Variants in PLEK observed in about 807,000 individuals in gnomAD.
PLEK encodes pleckstrin, also known as platelet 47 kDa protein.
In PLEK, 25 loss-of-function variants were observed where a neutral mutation model predicts 43.9. The observed-to-expected ratio is 0.57, with a 90% CI of 0.41 to 0.79. PLEK has a LOEUF of 0.79. PLEK is among the 30% of genes least tolerant of loss of function. The pLI is 0.00. For missense variants in PLEK, 396 were observed against 413.3 expected, an observed-to-expected ratio of 0.96 and a Z score of 0.36; for synonymous variants, 152 against 144.4, an observed-to-expected ratio of 1.05 and a Z score of -0.38.
chr2:68,388,961 G>T (rs535482887), intron 6 of PLEK, among the ~76,000 whole-genome samples: 1 of 152,140 alleles, frequency 6.6e-6, no homozygotes, highest in Non-Finnish European at 1.5e-5. Context: ...GGCATGACAA[G>T]ACCAAAACCT....
intron 6 of PLEK, among the ~76,000 whole-genome samples, chr2:68,388,767 G>A (rs17601687): frequency 0.26 from 40,105 of 151,724 alleles, 5,579 homozygotes; most frequent in Middle Eastern, 0.37. Context: ...AAATATGGCC[G>A]GAGGAGATAA....
At chr2:68,387,102 T>C (rs958474846) in intron 5 of PLEK, among the ~76,000 whole-genome samples, 1 of 151,992 alleles carries the variant, frequency 6.6e-6, no homozygotes, top group Non-Finnish European at 1.5e-5. Flanking sequence ...GCCTCCCGGG[T>C]TCAAGCGATT....
chr2:68,380,829 G>A lies in PLEK; in HGVS notation c.305G>A (p.Cys102Tyr). Residue 102 changes from cysteine (C) to tyrosine (Y), a missense_variant, in exon 3 of 9, where the codon TGC becomes TAC. Physicochemically the swap from Cys to Tyr is radical, Grantham distance 194. Coordinates refer to ENST00000234313, the MANE Select transcript of PLEK (RefSeq NM_002664.3). ...CGGGATATCAAGAAGGCCATTAAAT[G>A]CATTGAAGGAGGCCAGAAATTTGCC... ...WVRDIKKAIK[C>Y]IEGGQKFARK... 1 of 1,614,012 alleles carries A rather than the reference G, an allele frequency of 6.2e-7. No homozygotes were observed. Among genetic ancestry groups the A allele is most frequent in the Non-Finnish European group, 8.5e-7 (1 of 1,179,872 alleles).
chr2:68,366,984 G>C lies in PLEK; in HGVS notation c.42+1591G>C, dbSNP rs576223501. On this transcript the variant is annotated intron_variant, in intron 1 of 8. Coordinates refer to ENST00000234313, the MANE Select transcript of PLEK (RefSeq NM_002664.3). ...GACTAAATTTCTAATAAGTGAAGCT[G>C]TCTCACTAAAAATTGGGGATGATAG... 1.1e-4 allele frequency among the ~76,000 whole-genome samples: 16 copies of C among 152,276 alleles called. 1 individual carries two copies. The highest frequency in any genetic ancestry group is 3.6e-4 in the African/African-American group (15 of 41,548).
intron 7 of PLEK, 111 bp downstream of exon 7, chr2:68,393,356 T>C: frequency 1.4e-6 from 1 of 740,112 alleles, no homozygotes; most frequent in Non-Finnish European, 2.4e-6. Flanking sequence ...TTCTCTTTAC[T>C]GGCCCACTTT....
At chr2:68,390,396 A>C (rs1446843099) in intron 6 of PLEK, among the ~76,000 whole-genome samples, 1 of 152,198 alleles carries the variant, frequency 6.6e-6, no homozygotes, top group Non-Finnish European at 1.5e-5. Context: ...TTAAAAGCTA[A>C]TTTATTCTAT....
At chr2:68,371,798 T>G (rs1011543196) in intron 1 of PLEK, among the ~76,000 whole-genome samples, 9 of 67,344 alleles carry the variant, frequency 1.3e-4, no homozygotes, top group African/African-American at 5.0e-4. Context: ...ACGAGTTTAG[T>G]TTTTTTTTGA....
intron 4 of PLEK, among the ~76,000 whole-genome samples, chr2:68,386,045 C>T (rs1162027836): frequency 1.3e-5 from 2 of 151,386 alleles, no homozygotes; most frequent in African/African-American, 2.4e-5. Flanking sequence ...TTTTTTAAGA[C>T]AAAGACTTTA....
At chr2:68,378,651 T>G (rs1213568861) in intron 1 of PLEK, among the ~76,000 whole-genome samples, 3 of 152,232 alleles carry the variant, frequency 2.0e-5, no homozygotes, top group Non-Finnish European at 4.4e-5. Flanking sequence ...TACATGGCCA[T>G]CTGTCAAGAT....
chr2:68,391,737 T>C (rs1441292654), intron 6 of PLEK, among the ~76,000 whole-genome samples: 1 of 152,222 alleles, frequency 6.6e-6, no homozygotes, highest in Non-Finnish European at 1.5e-5. Flanking sequence ...TGTTGGAAAA[T>C]TTGTATACAT....
rs375453172 is a variant in PLEK at position 68,386,514 on chromosome 2, T to C, written c.485T>C (p.Ile162Thr). 84 of 1,613,534 alleles carry C rather than the reference T, an allele frequency of 5.2e-5. No homozygotes were observed. Among genetic ancestry groups the C allele is most frequent in the Non-Finnish European group, 6.9e-5 (81 of 1,179,682 alleles). ...TGGTCCCATCTAGGTAACTGCGTCA[T>C]TGATTGGCTGGTATCCAACCAGTCT... ...FNHCFTGNCV[I>T]DWLVSNQSVR... The change falls in exon 5 of 9, where the codon ATT (isoleucine) becomes ACT (threonine). Residue 162 changes from isoleucine to threonine, a missense_variant. Ile to Thr is a moderately conservative substitution (Grantham distance 89). Coordinates refer to ENST00000234313, the MANE Select transcript of PLEK (RefSeq NM_002664.3).
At chr2:68,376,220 G>C (rs1673498356) in intron 1 of PLEK, among the ~76,000 whole-genome samples, 1 of 152,172 alleles carries the variant, frequency 6.6e-6, no homozygotes, top group Non-Finnish European at 1.5e-5. Context: ...ATTGACACTT[G>C]AGATAGATTC....
At position 68,365,320 on chromosome 2, in the gene PLEK, G is replaced by C. The variant is rs754864224; in HGVS notation, c.-32G>C. The C allele has an allele frequency of 6.2e-7, 1 of 1,609,792 alleles. No homozygotes were observed. Among genetic ancestry groups the C allele is most frequent in the Non-Finnish European group, 8.5e-7 (1 of 1,176,178 alleles). On this transcript the variant is annotated 5_prime_UTR_variant, in exon 1 of 9. Transcript: ENST00000234313. The stretch of plus-strand genomic sequence containing the variant: ...CCAGCTGCTGAGAGGAGTTGCCTGA[G>C]AGTGACCTTTGCATCTGCCTGTCCA...
intron 5 of PLEK, among the ~76,000 whole-genome samples, chr2:68,387,552 C>T (rs1673770652): frequency 6.6e-6 from 1 of 152,198 alleles, no homozygotes; most frequent in African/African-American, 2.4e-5. Flanking sequence ...GTACCTCCCA[C>T]AGTATGCTTA....
intron 1 of PLEK, among the ~76,000 whole-genome samples, chr2:68,378,337 A>G (rs1358022596): frequency 6.6e-6 from 1 of 152,208 alleles, no homozygotes; most frequent in Non-Finnish European, 1.5e-5. Flanking sequence ...AAGTATCCTA[A>G]ATACTTCAAG....
At chr2:68,379,639 T>C (rs1292909138) in intron 1 of PLEK, among the ~76,000 whole-genome samples, 3 of 152,122 alleles carry the variant, frequency 2.0e-5, no homozygotes, top group Non-Finnish European at 4.4e-5. Flanking sequence ...TGGTTCTTAA[T>C]GGTGTGAACC....
In PLEK at chr2:68,388,406, G is replaced by A. The variant is rs1673790526; in HGVS notation, c.677G>A (p.Cys226Tyr). Residue 226 changes from cysteine to tyrosine, a missense_variant, in exon 6 of 9, where the codon TGT (cysteine) becomes TAT (tyrosine). Transcript: ENST00000234313. ...FYYFPDSGFFCEENSSDDDVI... is the reference protein window; with the variant it reads ...FYYFPDSGFFYEENSSDDDVI... ...CAACAGCCAGACAGTGGGTTCTTCT[G>A]TGAAGAGAATTCCAGTGATGATGAT... 1.9e-6 allele frequency: 3 copies of A among 1,608,162 alleles called. No homozygotes were observed. Among genetic ancestry groups the A allele is most frequent in the Non-Finnish European group, 2.6e-6 (3 of 1,174,676 alleles).
intron 5 of PLEK, 34 bp from the exon 6 acceptor site, chr2:68,388,353 G>A: frequency 8.0e-7 from 1 of 1,253,542 alleles, no homozygotes; most frequent in Non-Finnish European, 1.2e-6. Context: ...GCCTAAGACT[G>A]GTGATGTTAG....
chr2:68,381,566 T>C (rs1673617247), intron 3 of PLEK, among the ~76,000 whole-genome samples: 1 of 152,222 alleles, frequency 6.6e-6, no homozygotes, highest in African/African-American at 2.4e-5. Flanking sequence ...TGCTTTTTTG[T>C]TGAGCATTCC....
Sources: gnomAD v4.1 joint callset for allele counts (sites outside exome capture counted in the v4.1 genomes callset) on GRCh38, gnomAD v4.1.1 for gene constraint, MANE v1.5 for transcripts, NCBI Gene and HGNC (gene_info 2026-07-23, HGNC 2026-07-21) for gene names.